Variants in NOX4 observed in about 807,000 individuals in gnomAD.
NOX4 encodes the protein kidney oxidase-1.
Under a neutral mutation model 87.6 loss-of-function variants are expected in NOX4, and 69 were observed. The observed-to-expected ratio is 0.79, with a 90% CI of 0.65 to 0.96. NOX4 has a LOEUF of 0.96. Among genes scored for constraint, NOX4 ranks in the 40% least tolerant of loss-of-function variants. NOX4 has a pLI of 0.00. For missense variants in NOX4, 680 were observed against 681.5 expected, an observed-to-expected ratio of 1.00 and a Z score of 0.02; for synonymous variants, 275 against 238.2, an observed-to-expected ratio of 1.15 and a Z score of -1.42.
intron 12 of NOX4, among the ~76,000 whole-genome samples, chr11:89,373,007 C>T (rs1939559498): frequency 6.6e-6 from 1 of 151,740 alleles, no homozygotes; most frequent in African/African-American, 2.4e-5. Flanking sequence ...TGTGAAGTTG[C>T]CCTATATACT....
chr11:89,372,710 C>A (rs551742829), intron 12 of NOX4, among the ~76,000 whole-genome samples: 33 of 151,908 alleles, frequency 2.2e-4, no homozygotes, highest in Non-Finnish European at 3.8e-4. Context: ...CGTTTAGCAC[C>A]TAAGTATAAG....
intron 2 of NOX4, among the ~76,000 whole-genome samples, chr11:89,490,191 A>AT (rs1361507442): frequency 6.6e-6 from 1 of 152,138 alleles, no homozygotes; most frequent in African/African-American, 2.4e-5. Flanking sequence ...ATAAGTAGCA[A>AT]TTTTTTTAAG....
At chr11:89,545,999 T>A in the NOX4 span, among the ~76,000 whole-genome samples, 2 of 152,178 alleles carry the variant, frequency 1.3e-5, no homozygotes, top group African/African-American at 4.8e-5. Flanking sequence ...GTGGTAAATA[T>A]TAGAGTTAGT....
At chr11:89,381,454 A>G (rs114474497) in intron 11 of NOX4, among the ~76,000 whole-genome samples, 1,891 of 151,922 alleles carry the variant, frequency 0.012, 20 homozygotes, top group Middle Eastern at 0.041. Context: ...TCCCCCACTG[A>G]GCACTTTGTG....
chr11:89,432,520 A>T (rs1943854934), intron 7 of NOX4, among the ~76,000 whole-genome samples: 1 of 152,110 alleles, frequency 6.6e-6, no homozygotes, highest in African/African-American at 2.4e-5. Context: ...CCTTCAAAAG[A>T]TACTCAAATT....
chr11:89,438,345 T>G, intron 6 of NOX4, among the ~76,000 whole-genome samples: 1 of 115,188 alleles, frequency 8.7e-6, no homozygotes, highest in Admixed American at 1.4e-4. Context: ...CATTATATAC[T>G]ATATATACTA....
chr11:89,457,094 G>A (rs569850900), intron 2 of NOX4, among the ~76,000 whole-genome samples: 1 of 152,238 alleles, frequency 6.6e-6, no homozygotes, highest in East Asian at 1.9e-4. Context: ...AGCTCCAGTA[G>A]ACCAGCCCCT....
intron 11 of NOX4, among the ~76,000 whole-genome samples, chr11:89,375,672 A>G (rs1198772266): frequency 6.6e-6 from 1 of 152,204 alleles, no homozygotes; most frequent in Non-Finnish European, 1.5e-5. Flanking sequence ...TCCAAATAAA[A>G]TATTATCTGC....
At chr11:89,329,478 GA>G (rs66956839) in intron 17 of NOX4, among the ~76,000 whole-genome samples, 132,949 of 135,304 alleles carry the variant, frequency 0.98, 65,300 homozygotes, top group South Asian at 0.99. Flanking sequence ...CAAGGGAGAA[GA>G]AAAAAAAAAA....
intron 12 of NOX4, among the ~76,000 whole-genome samples, chr11:89,360,031 C>T (rs1257970558): frequency 6.6e-6 from 1 of 151,818 alleles, no homozygotes; most frequent in Non-Finnish European, 1.5e-5. Context: ...AAAGTCTTTA[C>T]CTTAGTTTTA....
At chr11:89,558,431 G>A in the NOX4 span, among the ~76,000 whole-genome samples, 4 of 151,870 alleles carry the variant, frequency 2.6e-5, no homozygotes, top group Non-Finnish European at 5.9e-5. Context: ...TGCTTGATAA[G>A]TCTGGGCCTT....
At chr11:89,411,660 A>G (rs2135227467) in intron 8 of NOX4, among the ~76,000 whole-genome samples, 1 of 152,214 alleles carries the variant, frequency 6.6e-6, no homozygotes, top group South Asian at 2.1e-4. Context: ...GAAAACATAC[A>G]ACAGATACAT....
At position 89,489,282 on chromosome 11, in the gene NOX4, T is replaced by A. The variant is rs1320624592; in HGVS notation, c.153+1176A>T. ...GTTCCACTGAATTTGTCTGAGCTCG[T>A]CTTAATTTTAAGTAGTCATTAAACC... On this transcript the variant is annotated intron_variant, in intron 2 of 17. Coordinates refer to ENST00000263317, the MANE Select transcript of NOX4 (RefSeq NM_016931.5). Among the ~76,000 whole-genome samples the A allele has an allele frequency of 2.0e-5, 3 of 152,156 alleles. No individual in the cohort carries two copies. The East Asian group carries it at 5.8e-4, about 29-fold the overall frequency.
intron 11 of NOX4, among the ~76,000 whole-genome samples, chr11:89,386,576 C>G (rs1253057917): frequency 6.6e-6 from 1 of 152,142 alleles, no homozygotes; most frequent in East Asian, 1.9e-4. Flanking sequence ...ATCAATCTCC[C>G]TCACTCTCTC....
At chr11:89,488,721 T>C (rs1016877687) in intron 2 of NOX4, among the ~76,000 whole-genome samples, 17 of 152,298 alleles carry the variant, frequency 1.1e-4, no homozygotes, top group African/African-American at 3.6e-4. Flanking sequence ...AAGAGTTTTC[T>C]CCAAGTTGTT....
At chr11:89,488,479 A>AT (rs1167718603) in intron 2 of NOX4, among the ~76,000 whole-genome samples, 1 of 152,194 alleles carries the variant, frequency 6.6e-6, no homozygotes, top group Admixed American at 6.5e-5. Context: ...ACCAAATTAA[A>AT]TTTGAAATTC....
intron 11 of NOX4, among the ~76,000 whole-genome samples, chr11:89,396,235 G>C (rs1052308644): frequency 1.3e-5 from 2 of 152,056 alleles, no homozygotes; most frequent in Non-Finnish European, 1.5e-5. Flanking sequence ...TTGTAAGTTG[G>C]ATTCCTAGGT....
intron 17 of NOX4, among the ~76,000 whole-genome samples, chr11:89,334,898 T>A (rs777391835): frequency 3.2e-4 from 48 of 151,704 alleles, no homozygotes; most frequent in Non-Finnish European, 5.0e-4. Flanking sequence ...ATTATATGGG[T>A]TAATGGGACA....
chr11:89,397,380 T>G (rs772544965), intron 11 of NOX4, among the ~76,000 whole-genome samples: 10 of 152,088 alleles, frequency 6.6e-5, no homozygotes, highest in Non-Finnish European at 1.5e-4. Context: ...AGGTCTAAAA[T>G]TGGCACCCTA....
Sources: allele counts gnomAD v4.1 joint callset (sites outside exome capture counted in the v4.1 genomes callset), GRCh38; gene constraint gnomAD v4.1.1; transcripts MANE v1.5; gene names NCBI Gene and HGNC (gene_info 2026-07-23, HGNC 2026-07-21).